The following PATJ variants were observed in gnomAD, a reference collection of about 807,000 sequenced individuals.
PATJ encodes the protein PATJ crumbs cell polarity complex component.
A neutral mutation model predicts 224.9 loss-of-function variants in PATJ; 190 were observed. The observed-to-expected ratio is 0.84, with a 90% confidence interval of 0.75 to 0.95. The LOEUF (loss-of-function observed/expected upper bound fraction) is 0.95. Among genes scored for constraint, PATJ ranks in the 40% least tolerant of loss-of-function variants. The pLI, the probability that PATJ is intolerant of heterozygous loss-of-function variation, is 0.00. For missense variants in PATJ, 2,121 were observed against 2,270.3 expected, an observed-to-expected ratio of 0.93 and a Z score of 1.34; for synonymous variants, 769 against 820.3, an observed-to-expected ratio of 0.94 and a Z score of 1.07.
chr1:62,080,091 A>G (rs541502806), intron 32 of PATJ, among the ~76,000 whole-genome samples: 1 of 151,952 alleles, frequency 6.6e-6, no homozygotes, highest in Admixed American at 6.6e-5. Context: ...AGGCTTCTGT[A>G]TTATTCTTCT....
At position 61,886,819 on chromosome 1, in the gene PATJ, C is replaced by CAAAAAAAA. The variant is rs35950461; in HGVS notation, c.3131+2416_3131+2423dup. The stretch of plus-strand genomic sequence containing the variant: ...TGGGCAACAGAGCAAGACCCCATCT[C>CAAAAAAAA]AAAAAAAAAAAATTAGCCTGTTGTG... On this transcript the variant is annotated intron_variant, in intron 22 of 43. Transcript: ENST00000642238. Among the ~76,000 whole-genome samples the CAAAAAAAA allele has an allele frequency of 1.5e-3, 135 of 87,418 alleles. 42 individuals are homozygous for CAAAAAAAA. Among genetic ancestry groups the CAAAAAAAA allele is most frequent in the African/African-American group, 2.7e-3 (67 of 24,960 alleles). The allele number at this position is 87,418 out of a possible 152,430, so 57.3% of individuals were successfully genotyped here.
In PATJ at chr1:61,974,954, G is replaced by C. The variant is rs572094452; in HGVS notation, c.3671-15214G>C. ...TTGTTTTTTTGTTTTGTTTTGTTTT[G>C]TTTTGTTTTTGACAGAGTTTCATTC... On this transcript the variant is annotated intron_variant, in intron 27 of 43. Transcript: ENST00000642238. Among the ~76,000 whole-genome samples, 310 of 151,774 alleles carry C rather than the reference G, an allele frequency of 2.0e-3. 1 individual carries two copies. The highest frequency in any genetic ancestry group is 3.5e-3 in the Non-Finnish European group (237 of 67,942).
At chr1:61,761,773 C>A (rs977920872) in intron 1 of PATJ, among the ~76,000 whole-genome samples, 4 of 151,766 alleles carry the variant, frequency 2.6e-5, no homozygotes, top group Non-Finnish European at 5.9e-5. Context: ...GCAGCCTCAA[C>A]CTCTTGGGCT....
intron 20 of PATJ, among the ~76,000 whole-genome samples, chr1:61,866,735 G>A (rs764364863): frequency 5.3e-5 from 8 of 152,094 alleles, no homozygotes; most frequent in Non-Finnish European, 7.4e-5. Context: ...CTTGGACCTC[G>A]CACAAGAAAA....
intron 41 of PATJ, among the ~76,000 whole-genome samples, chr1:62,137,230 A>C (rs926149803): frequency 2.6e-5 from 4 of 151,572 alleles, no homozygotes; most frequent in Admixed American, 2.6e-4. Context: ...GCAAAGCACA[A>C]GAGAGTACAT....
rs2482864 is a variant in PATJ, at chr1:61,897,389, G to C, written c.3132-2194G>C. The stretch of plus-strand genomic sequence containing the variant: ...TTTAGTGTGGCTTAACCAAATAAAG[G>C]CAAGTTTTTTTCATGTGAAAAGTCC... On this transcript the variant is annotated intron_variant, in intron 22 of 43. Transcript: ENST00000642238. 3.3e-5 allele frequency among the ~76,000 whole-genome samples: 5 copies of C among 152,102 alleles called. No individual in the cohort carries two copies. The South Asian group carries it at 8.3e-4, about 25-fold the overall frequency.
chr1:61,902,608 T>C (rs754314253), intron 24 of PATJ, among the ~76,000 whole-genome samples: 63 of 152,208 alleles, frequency 4.1e-4, no homozygotes, highest in Admixed American at 2.6e-3. Context: ...AATGTTGAGT[T>C]ATATTTGTGC....
chr1:62,045,816 A>G (rs1652438796), intron 30 of PATJ, among the ~76,000 whole-genome samples: 1 of 152,030 alleles, frequency 6.6e-6, no homozygotes, highest in Non-Finnish European at 1.5e-5. Flanking sequence ...CCTTTCCCAT[A>G]TCAGACTCTT....
In PATJ at chr1:61,833,786, G is replaced by T. The variant is rs767285395; in HGVS notation, c.2112+1G>T. ...GGGATTCAGCATTTTGGATTACCAG[G>T]TATAAGAACCTGTGTAGAGGTGTTT... is the stretch of plus-strand genomic sequence containing the variant. On this transcript the variant is annotated splice_donor_variant, in intron 17 of 43. Coordinates refer to ENST00000642238, the MANE Select transcript of PATJ (RefSeq NM_001350145.3). LOFTEE classifies it high-confidence loss of function. 1 of 1,612,658 alleles carries T rather than the reference G, an allele frequency of 6.2e-7. No individual in the cohort carries two copies. The highest frequency in any genetic ancestry group is 2.2e-5 in the East Asian group (1 of 44,812).
At chr1:61,830,598 C>T (rs1247272919) in intron 16 of PATJ, among the ~76,000 whole-genome samples, 3 of 151,466 alleles carry the variant, frequency 2.0e-5, no homozygotes, top group Non-Finnish European at 2.9e-5. Flanking sequence ...AGAACAAAGC[C>T]AGAGGTATCA....
chr1:61,996,335 C>G (rs2149577545), intron 28 of PATJ, among the ~76,000 whole-genome samples: 1 of 152,284 alleles, frequency 6.6e-6, no homozygotes, highest in South Asian at 2.1e-4. Flanking sequence ...TACCAGGAGC[C>G]CTTACCAGCA....
chr1:62,081,953 T>C (rs557843007), intron 32 of PATJ, among the ~76,000 whole-genome samples: 2 of 152,370 alleles, frequency 1.3e-5, no homozygotes, highest in East Asian at 3.9e-4. Flanking sequence ...GGAAATGTGG[T>C]ATAAAATACA....
intron 33 of PATJ, among the ~76,000 whole-genome samples, 195 bp downstream of exon 33, chr1:62,084,843 C>T (rs571364267): frequency 6.6e-5 from 10 of 152,094 alleles, no homozygotes; most frequent in South Asian, 2.1e-4. Flanking sequence ...CAGTGCTGGG[C>T]GCGGTGGCTC....
At chr1:61,858,624 C>T (rs766361767) in intron 18 of PATJ, among the ~76,000 whole-genome samples, 1 of 152,148 alleles carries the variant, frequency 6.6e-6, no homozygotes, top group Non-Finnish European at 1.5e-5. Flanking sequence ...ATCGCGAAGA[C>T]AGCACCAAGC....
intron 34 of PATJ, among the ~76,000 whole-genome samples, chr1:62,112,119 C>T (rs1663895778): frequency 6.6e-6 from 1 of 152,228 alleles, no homozygotes; most frequent in Admixed American, 6.5e-5. Context: ...GTTCAAAAGT[C>T]ACCTTCTCCA....
At position 62,022,348 on chromosome 1, in the gene PATJ, G is replaced by A. The variant is rs1323532412; in HGVS notation, c.3959+4401G>A. On this transcript the variant is annotated intron_variant, in intron 29 of 43. Coordinates refer to ENST00000642238, the MANE Select transcript of PATJ (RefSeq NM_001350145.3). ...AATCACTTTTTCCCTTTTGCTTTTC[G>A]CATCATTAGATTTTGGATAATCCTG... 4.6e-5 allele frequency among the ~76,000 whole-genome samples: 7 copies of A among 152,046 alleles called. No homozygotes were observed. The South Asian group carries it at 6.2e-4, about 14-fold the overall frequency.
intron 21 of PATJ, among the ~76,000 whole-genome samples, chr1:61,879,803 T>C (rs1667835760): frequency 6.6e-6 from 1 of 151,852 alleles, no homozygotes; most frequent in Admixed American, 6.6e-5. Context: ...TGATTCCCTA[T>C]CACCATCCAG....
At chr1:61,879,317 T>C (rs1015832680) in intron 21 of PATJ, among the ~76,000 whole-genome samples, 7 of 152,200 alleles carry the variant, frequency 4.6e-5, no homozygotes, top group Non-Finnish European at 8.8e-5. Context: ...AGATGGCATA[T>C]TGGATGAATT....
intron 17 of PATJ, among the ~76,000 whole-genome samples, chr1:61,845,317 A>C (rs1039596677): frequency 6.6e-6 from 1 of 152,326 alleles, no homozygotes; most frequent in South Asian, 2.1e-4. Context: ...TGAGCTCCTG[A>C]GTCTGTGGTT....
Sources: gnomAD v4.1 joint callset for allele counts (sites outside exome capture counted in the v4.1 genomes callset) on GRCh38, gnomAD v4.1.1 for gene constraint, MANE v1.5 for transcripts, NCBI Gene and HGNC (gene_info 2026-07-23, HGNC 2026-07-21) for gene names.